The following NBPF15 variants were observed in gnomAD, a reference collection of about 807,000 sequenced individuals.
NBPF15 encodes NBPF member 15, also known as NBPF family member NBPF15.
Under a neutral mutation model 62.2 loss-of-function variants are expected in NBPF15, and 74 were observed. That is an observed-to-expected ratio of 1.19 (90% CI 0.99 to 1.44). NBPF15 has a LOEUF of 1.44. Among genes scored for constraint, NBPF15 ranks in the 40% most tolerant of loss-of-function variants. The probability of loss-of-function intolerance (pLI) is 0.00; values close to 1 mark genes in which losing one functional copy is unlikely to be tolerated. For missense variants in NBPF15, 790 were observed against 550.0 expected, an observed-to-expected ratio of 1.44 and a Z score of -4.36; for synonymous variants, 244 against 209.7, an observed-to-expected ratio of 1.16 and a Z score of -1.41.
chr1:144,437,889 G>A (rs200085401), intron 9 of NBPF15, 56 bp downstream of exon 9: 94 of 1,610,744 alleles, frequency 5.8e-5, no homozygotes, highest in Non-Finnish European at 4.7e-5. Flanking sequence ...CCGAGCTGCT[G>A]TACTTCAGAG....
At chr1:144,453,165 C>T (rs1280585851) in intron 4 of NBPF15, among the ~76,000 whole-genome samples, 7 of 148,414 alleles carry the variant, frequency 4.7e-5, no homozygotes, top group South Asian at 2.2e-4. Flanking sequence ...GAAAAGAATA[C>T]GGAGCCCAGA....
intron 13 of NBPF15, among the ~76,000 whole-genome samples, chr1:144,432,098 C>A (rs1260949882): frequency 3.3e-5 from 5 of 152,106 alleles, no homozygotes; most frequent in African/African-American, 1.2e-4. Flanking sequence ...AACTAGTTTA[C>A]AGTCCCACCA....
intron 12 of NBPF15, 46 bp downstream of exon 12, chr1:144,435,065 C>T (rs1677219149): frequency 9.3e-6 from 15 of 1,611,548 alleles, no homozygotes; most frequent in Non-Finnish European, 1.2e-5. Context: ...AGTTTATCTT[C>T]CTCAGCCTAG....
intron 6 of NBPF15, among the ~76,000 whole-genome samples, chr1:144,448,511 A>G (rs1386428341): frequency 6.6e-6 from 1 of 152,084 alleles, no homozygotes; most frequent in African/African-American, 2.4e-5. Context: ...GTATCATCTT[A>G]AAAAGGAAAC....
chr1:144,440,035 G>A lies in NBPF15; in HGVS notation c.-32C>T. 4 of 1,599,522 alleles carry A rather than the reference G, an allele frequency of 2.5e-6. No homozygotes were observed. Among genetic ancestry groups the A allele is most frequent in the Non-Finnish European group, 3.4e-6 (4 of 1,168,536 alleles). The stretch of plus-strand genomic sequence containing the variant: ...GTTTGTGGCAGAAGAGGTGGAGTCA[G>A]GGACTGGGGAGAAGAAACCCAAACA... On this transcript the variant is annotated 5_prime_UTR_variant, in exon 8 of 22. Coordinates refer to ENST00000581897, the MANE Select transcript of NBPF15 (RefSeq NM_001385408.1).
chr1:144,424,106 T>C, intron 20 of NBPF15, 131 bp from the exon 21 acceptor site: 1 of 745,346 alleles, frequency 1.3e-6, no homozygotes, highest in East Asian at 2.5e-5. Flanking sequence ...AGAGATATAT[T>C]TCAGGAGGTC....
In NBPF15 at chr1:144,423,009, C is replaced by A. The variant is rs782675944; in HGVS notation, c.*4G>T. On this transcript the variant is annotated 3_prime_UTR_variant, in exon 22 of 22. Coordinates refer to ENST00000581897, the MANE Select transcript of NBPF15 (RefSeq NM_001385408.1). ...ATGACATCTCTCGGCTTAGTAAGAG[C>A]TGCTTATTGTGGGAATATGACTCCC... 2.5e-6 allele frequency: 4 copies of A among 1,611,636 alleles called. No individual in the cohort carries two copies. Among genetic ancestry groups the A allele is most frequent in the Admixed American group, 1.7e-5 (1 of 59,970 alleles).
In NBPF15 at chr1:144,456,659, T is replaced by A. The variant is rs1197074135; in HGVS notation, c.-554A>T. ...CACTGGAAGCCCTGGACAGTGGGAG[T>A]TGGTGGCAGCCCCAGCGTGGAGGCC... is the stretch of plus-strand genomic sequence containing the variant. On this transcript the variant is annotated 5_prime_UTR_variant, in exon 4 of 22. Coordinates refer to ENST00000581897, the MANE Select transcript of NBPF15 (RefSeq NM_001385408.1). 3.3e-5 allele frequency: 49 copies of A among 1,463,444 alleles called. No homozygotes were observed. The highest frequency in any genetic ancestry group is 4.3e-5 in the Non-Finnish European group (47 of 1,100,944). 90.7% of individuals were successfully genotyped at this position (1,463,444 alleles called of 1,614,324 possible).
rs1389887349 is a variant in NBPF15 at position 144,421,738 on chromosome 1, C to T, written c.*1275G>A. 7.5e-5 allele frequency: 11 copies of T among 146,622 alleles called. No homozygotes were observed. The highest frequency in any genetic ancestry group is 1.4e-4 in the Admixed American group (2 of 14,776). The allele number at this position is 146,622 out of a possible 1,614,324, so 9.1% of individuals were successfully genotyped here. On this transcript the variant is annotated 3_prime_UTR_variant, in exon 22 of 22. Coordinates refer to ENST00000581897, the MANE Select transcript of NBPF15 (RefSeq NM_001385408.1). ...CATTAGAATACAGGATATTTATACTCTTGAAAACCGCTTTCCCAAGTACTT... is the reference window on the plus strand; with the variant it reads ...CATTAGAATACAGGATATTTATACTTTTGAAAACCGCTTTCCCAAGTACTT...
intron 11 of NBPF15, 116 bp from the exon 12 acceptor site, chr1:144,435,432 A>T (rs1256132658): frequency 6.7e-7 from 1 of 1,484,542 alleles, no homozygotes. Flanking sequence ...AGAAAGCAAA[A>T]TGGACGTTCC....
At chr1:144,447,448 G>A (rs1331964640) in intron 6 of NBPF15, among the ~76,000 whole-genome samples, 17 of 151,860 alleles carry the variant, frequency 1.1e-4, no homozygotes, top group African/African-American at 3.1e-4. Context: ...GAAGAAATAC[G>A]GACCTCACCT....
chr1:144,429,104 C>T (rs1389916939), intron 14 of NBPF15, among the ~76,000 whole-genome samples: 2 of 151,864 alleles, frequency 1.3e-5, no homozygotes, highest in Non-Finnish European at 2.9e-5. Flanking sequence ...TGGTTCTACA[C>T]AGAAGCATCA....
rs587675190 is a variant in NBPF15 at position 144,423,142 on chromosome 1, G to C, written c.1884C>G (p.Tyr628Ter). 6.2e-7 allele frequency: 1 copy of C among 1,611,598 alleles called. No individual in the cohort carries two copies. Among genetic ancestry groups the C allele is most frequent in the Non-Finnish European group, 8.5e-7 (1 of 1,179,614 alleles). Residue 628 changes from tyrosine to a stop codon, truncating the protein, a stop_gained, in exon 22 of 22, where the codon TAC (tyrosine) becomes TAG (stop). Transcript: ENST00000581897. LOFTEE classifies it high-confidence loss of function. ...CCTCAAATGAGTAAAACACACTTCT[G>C]TAGTGCTGGAATGAGTCAGGTTGTT... ...YFEQPDSFQH[Y>*]RSVFYSFEEE...
In NBPF15 at chr1:144,426,421, T is replaced by C. The variant is rs782761465; in HGVS notation, c.1295A>G (p.Glu432Gly). 1.0e-5 allele frequency: 8 copies of C among 797,484 alleles called. No individual in the cohort carries two copies. Among genetic ancestry groups the C allele is most frequent in the East Asian group, 2.4e-5 (1 of 41,192 alleles). The allele number at this position is 797,484 out of a possible 1,614,324, so 49.4% of individuals were successfully genotyped here. A position where few individuals can be genotyped will look rare whatever the true frequency, so the allele number is the denominator to read the frequency against. Residue 432 changes from glutamate to glycine, a missense_variant, in exon 18 of 22, where the codon GAG becomes GGG. Coordinates refer to ENST00000581897, the MANE Select transcript of NBPF15 (RefSeq NM_001385408.1). ...RLSRELLDEKEPEVLQDSLDR... is the reference protein window; with the variant it reads ...RLSRELLDEKGPEVLQDSLDR... ...CAGTGAGTCCTGCAAGACTTCAGGC[T>C]CTTTCTCATCCAGCAGCTCCCTGCT...
intron 16 of NBPF15, among the ~76,000 whole-genome samples, chr1:144,427,552 G>T (rs1195729742): frequency 1.1e-4 from 16 of 147,426 alleles, no homozygotes; most frequent in African/African-American, 3.9e-4. Context: ...GTGTGAATTT[G>T]TCACATCTGC....
In NBPF15 at chr1:144,423,795, A is replaced by G. The variant is rs1287191289; in HGVS notation, c.1769+75T>C. The G allele has an allele frequency of 4.1e-6, 3 of 734,284 alleles. No homozygotes were observed. In the East Asian group the frequency reaches 7.3e-5, roughly 18 times the overall value. The allele number at this position is 734,284 out of a possible 1,614,324, so 45.5% of individuals were successfully genotyped here. ...CTTCGTTGAAAACATGACATCAAAC[A>G]CACTCTGGTTTCCCTGAATCTGTTG... is the stretch of plus-strand genomic sequence containing the variant. On this transcript the variant is annotated intron_variant, in intron 21 of 21. Coordinates refer to ENST00000581897, the MANE Select transcript of NBPF15 (RefSeq NM_001385408.1).
chr1:144,423,284 C>T (rs781958856), intron 21 of NBPF15, 28 bp from the exon 22 acceptor site: 1 of 1,611,208 alleles, frequency 6.2e-7, no homozygotes, highest in East Asian at 2.2e-5. Context: ...ACTAAAGAAG[C>T]AGCCAGGGAA....
At chr1:144,458,909 C>A (rs1485515743) in intron 3 of NBPF15, among the ~76,000 whole-genome samples, 1 of 151,650 alleles carries the variant, frequency 6.6e-6, no homozygotes, top group Non-Finnish European at 1.5e-5. Flanking sequence ...GGCATGGTGG[C>A]ACACTCCTAT....
At chr1:144,440,513 CCTCA>C (rs1681981460) in intron 6 of NBPF15, 1 of 392,022 alleles carries the variant, frequency 2.6e-6, no homozygotes, top group Non-Finnish European at 4.5e-6. Flanking sequence ...TAAGCATATT[CCTCA>C]CTGTTTATCT....
Sources: gnomAD v4.1 joint callset for allele counts (sites outside exome capture counted in the v4.1 genomes callset) on GRCh38, gnomAD v4.1.1 for gene constraint, MANE v1.5 for transcripts, NCBI Gene and HGNC (gene_info 2026-07-23, HGNC 2026-07-21) for gene names.